The following PTPRD variants were observed in gnomAD, a reference collection of about 807,000 sequenced individuals.
The protein encoded by PTPRD is receptor-type tyrosine-protein phosphatase delta.
In PTPRD, 34 loss-of-function variants were observed where a neutral mutation model predicts 214.5. The observed-to-expected ratio is 0.16, with a 90% confidence interval of 0.12 to 0.21. PTPRD has a LOEUF of 0.21. PTPRD is among the 10% of genes least tolerant of loss of function. The pLI, the probability that PTPRD is intolerant of heterozygous loss-of-function variation, is 1.00. For synonymous variants in PTPRD, 1,128 were observed against 845.7 expected (o/e 1.33, Z -5.79); for missense variants, 2,545 against 2,398.7 (o/e 1.06, Z -1.27).
intron 3 of PTPRD, among the ~76,000 whole-genome samples, chr9:10,208,482 C>A (rs990313282): frequency 2.0e-5 from 3 of 152,180 alleles, no homozygotes; most frequent in African/African-American, 7.2e-5. Context: ...CCACTGCACT[C>A]CAGCCTGGGC....
At chr9:9,347,717 A>C (rs1322207820) in intron 9 of PTPRD, among the ~76,000 whole-genome samples, 1 of 152,142 alleles carries the variant, frequency 6.6e-6, no homozygotes. Context: ...TCTACATTCC[A>C]CTAATAACTA....
chr9:10,189,128 T>C (rs1343451130), intron 3 of PTPRD, among the ~76,000 whole-genome samples: 1 of 152,176 alleles, frequency 6.6e-6, no homozygotes, highest in African/African-American at 2.4e-5. Flanking sequence ...TCCCTCTGTA[T>C]GTAAGTTCTA....
Position 8,638,621 on chromosome 9 carries a change from T to C in PTPRD, c.65-1777A>G, listed in dbSNP as rs551286690. ...AAGTTCAGAAGAGGCATATTTGCAA[T>C]GCTGGTCCTGGAGAATGAATTACCA... On this transcript the variant is annotated intron_variant, in intron 12 of 45. Coordinates refer to ENST00000381196, the MANE Select transcript of PTPRD (RefSeq NM_002839.4). 2.0e-5 allele frequency among the ~76,000 whole-genome samples: 3 copies of C among 152,332 alleles called. No homozygotes were observed. In the East Asian group the frequency reaches 5.8e-4, roughly 29 times the overall value.
At chr9:9,218,507 G>A (rs1432855447) in intron 9 of PTPRD, among the ~76,000 whole-genome samples, 1 of 152,054 alleles carries the variant, frequency 6.6e-6, no homozygotes, top group Non-Finnish European at 1.5e-5. Context: ...AATATAAATA[G>A]GTCTGACAAT....
intron 33 of PTPRD, among the ~76,000 whole-genome samples, chr9:8,459,612 GA>G (rs897551857): frequency 6.6e-6 from 1 of 151,876 alleles, no homozygotes; most frequent in East Asian, 1.9e-4. Flanking sequence ...TGCCCTAGGG[GA>G]AAAAATCTTA....
At chr9:9,242,828 C>T (rs2099971047) in intron 9 of PTPRD, among the ~76,000 whole-genome samples, 4 of 152,152 alleles carry the variant, frequency 2.6e-5, no homozygotes, top group Admixed American at 2.6e-4. Flanking sequence ...CTGCAGCCTT[C>T]TTCTCTCAAC....
In PTPRD at chr9:8,341,817, G is replaced by C. The variant is rs1300892094; in HGVS notation, c.4823C>G (p.Ala1608Gly). The C allele has an allele frequency of 6.2e-7, 1 of 1,613,530 alleles. No individual in the cohort carries two copies. The highest frequency in any genetic ancestry group is 1.7e-5 in the Admixed American group (1 of 59,938). Residue 1608 changes from alanine (A) to glycine (G), a missense_variant, in exon 40 of 46, where the codon GCA (alanine) becomes GGA (glycine). Ala to Gly is a moderately conservative substitution (Grantham distance 60). Transcript: ENST00000381196. ...TEDQYIFIHD[A>G]LLEAVTCGNT... ...TCCACAAGTCACTGCTTCTAACAGT[G>C]CATCATGGATAAAGATGTATTGGTC...
At chr9:9,463,897 C>G (rs2093902018) in intron 8 of PTPRD, among the ~76,000 whole-genome samples, 1 of 152,128 alleles carries the variant, frequency 6.6e-6, no homozygotes, top group East Asian at 1.9e-4. Context: ...TATCAAGGAA[C>G]TGAAGCTTAC....
At chr9:9,783,554 C>T (rs947988947) in intron 5 of PTPRD, among the ~76,000 whole-genome samples, 2 of 152,058 alleles carry the variant, frequency 1.3e-5, no homozygotes, top group Admixed American at 1.3e-4. Flanking sequence ...TATAATTAAA[C>T]CAAGATGTAC....
chr9:9,580,542 A>T (rs683509), intron 7 of PTPRD, among the ~76,000 whole-genome samples: 40,675 of 127,148 alleles, frequency 0.32, 6,138 homozygotes, highest in Non-Finnish European at 0.36. Context: ...AGCTTACTTT[A>T]TTTTCTTTTT....
intron 7 of PTPRD, among the ~76,000 whole-genome samples, chr9:9,600,401 T>C (rs1237210909): frequency 1.8e-5 from 2 of 108,244 alleles, no homozygotes; most frequent in African/African-American, 7.2e-5. Context: ...TCATTATGCA[T>C]TCATTCATTT....
At chr9:8,747,588 G>C (rs1037815442) in intron 11 of PTPRD, among the ~76,000 whole-genome samples, 1 of 152,170 alleles carries the variant, frequency 6.6e-6, no homozygotes, top group African/African-American at 2.4e-5. Flanking sequence ...AGGACACTTA[G>C]TATGGGGTAA....
chr9:9,690,848 C>T (rs1002558513), intron 7 of PTPRD, among the ~76,000 whole-genome samples: 6 of 149,586 alleles, frequency 4.0e-5, no homozygotes, highest in African/African-American at 1.5e-4. Flanking sequence ...TAGTGCCATG[C>T]TGTTTTGGTT....
At chr9:10,347,954 G>A (rs1340579905) in intron 2 of PTPRD, among the ~76,000 whole-genome samples, 1 of 151,944 alleles carries the variant, frequency 6.6e-6, no homozygotes, top group Non-Finnish European at 1.5e-5. Flanking sequence ...CTATTCAGGA[G>A]GCTGAGGCAG....
intron 5 of PTPRD, among the ~76,000 whole-genome samples, chr9:9,823,526 T>C (rs550062892): frequency 9.9e-5 from 15 of 152,030 alleles, no homozygotes; most frequent in South Asian, 2.1e-4. Context: ...TATACCAATA[T>C]ACTATATGAT....
intron 2 of PTPRD, among the ~76,000 whole-genome samples, chr9:10,565,173 C>T (rs760919265): frequency 7.9e-5 from 12 of 151,958 alleles, no homozygotes; most frequent in Admixed American, 2.0e-4. Context: ...AATGTAGGCA[C>T]GTATTTCTAT....
At chr9:9,719,327 C>T (rs1056513838) in intron 7 of PTPRD, among the ~76,000 whole-genome samples, 8 of 152,134 alleles carry the variant, frequency 5.3e-5, no homozygotes, top group African/African-American at 1.9e-4. Flanking sequence ...GGGACAAGAA[C>T]TCAAGATCCA....
intron 35 of PTPRD, among the ~76,000 whole-genome samples, chr9:8,419,402 G>C (rs957608339): frequency 1.7e-4 from 26 of 152,002 alleles, no homozygotes; most frequent in Non-Finnish European, 3.5e-4. Flanking sequence ...CACAGAGTGA[G>C]TCTTATTTAC....
intron 9 of PTPRD, among the ~76,000 whole-genome samples, chr9:9,346,730 T>C (rs1309969835): frequency 1.3e-5 from 2 of 152,110 alleles, no homozygotes; most frequent in Non-Finnish European, 2.9e-5. Flanking sequence ...TTTGCTCTTG[T>C]TGCCCAGGCT....
Sources: gnomAD v4.1 joint callset for allele counts (sites outside exome capture counted in the v4.1 genomes callset) on GRCh38, gnomAD v4.1.1 for gene constraint, MANE v1.5 for transcripts, NCBI Gene and HGNC (gene_info 2026-07-23, HGNC 2026-07-21) for gene names.